DMXL1: variants seen among roughly 807,000 people sequenced by gnomAD.
The protein encoded by DMXL1 is dmX-like protein 1.
A neutral mutation model predicts 319.2 loss-of-function variants in DMXL1; 99 were observed. The observed-to-expected ratio is 0.31, with a 90% CI of 0.26 to 0.37. The LOEUF (loss-of-function observed/expected upper bound fraction) is 0.37, where lower values mean the gene tolerates loss of function less well. Ranked by LOEUF, DMXL1 falls within the 10% of genes least tolerant of loss-of-function variation. DMXL1 has a pLI of 1.00. For synonymous variants in DMXL1, 1,385 were observed against 1,235.2 expected, an observed-to-expected ratio of 1.12 and a Z score of -2.54; for missense variants, 3,745 against 3,595.6, an observed-to-expected ratio of 1.04 and a Z score of -1.06.
intron 38 of DMXL1, among the ~76,000 whole-genome samples, chr5:119,227,836 T>C (rs966897965): frequency 6.6e-6 from 1 of 152,204 alleles, no homozygotes; most frequent in Non-Finnish European, 1.5e-5. Flanking sequence ...ACTGAACTTA[T>C]GCAAATAACT....
At chr5:119,105,670 C>T (rs1402118109) in intron 4 of DMXL1, among the ~76,000 whole-genome samples, 3 of 151,892 alleles carry the variant, frequency 2.0e-5, no homozygotes, top group Non-Finnish European at 4.4e-5. Context: ...CTGAGGTGGG[C>T]AGATCACCTG....
At chr5:119,232,903 T>G (rs1787042336) in intron 38 of DMXL1, among the ~76,000 whole-genome samples, 1 of 152,010 alleles carries the variant, frequency 6.6e-6, no homozygotes, top group Admixed American at 6.6e-5. Context: ...GAACTGATTT[T>G]TTTCTTTAGC....
At chr5:119,120,458 A>G (rs1761798939) in intron 8 of DMXL1, among the ~76,000 whole-genome samples, 2 of 152,224 alleles carry the variant, frequency 1.3e-5, no homozygotes, top group South Asian at 2.1e-4. Context: ...ATTTTATCAT[A>G]TGAAAGATGG....
chr5:119,189,716 C>G lies in DMXL1; in HGVS notation c.7144C>G (p.Leu2382Val), dbSNP rs775067790. Residue 2382 changes from leucine to valine, a missense_variant, in exon 29 of 44, where the codon CTA becomes GTA. Physicochemically the swap from Leu to Val is conservative, Grantham distance 32. This residue lies in a region of DMXL1 where 1,382 missense variants were observed against 1,269.5 expected (regional missense o/e 1.09). Coordinates refer to ENST00000539542, the MANE Select transcript of DMXL1 (RefSeq NM_001290321.3). ...THSKTLPVSS[L>V]VEEGEKQNKR... ...TATTTTCTTTTTGTTAGTTTCTTCA[C>G]TAGTTGAAGAAGGAGAAAAACAGAA... 1.2e-6 allele frequency: 2 copies of G among 1,613,144 alleles called. No individual in the cohort carries two copies. The highest frequency in any genetic ancestry group is 1.7e-6 in the Non-Finnish European group (2 of 1,179,420).
chr5:119,074,287 T>G (rs1309832607), intron 1 of DMXL1, among the ~76,000 whole-genome samples: 1 of 152,216 alleles, frequency 6.6e-6, no homozygotes, highest in African/African-American at 2.4e-5. Context: ...ACATTAATGG[T>G]AGATGGTATG....
chr5:119,132,355 T>C (rs1478377972), intron 10 of DMXL1, among the ~76,000 whole-genome samples: 1 of 152,172 alleles, frequency 6.6e-6, no homozygotes, highest in Admixed American at 6.5e-5. Flanking sequence ...ATAATGAAGA[T>C]AAGGTGCATA....
chr5:119,119,754 A>G (rs1315214994), intron 8 of DMXL1, among the ~76,000 whole-genome samples: 1 of 151,888 alleles, frequency 6.6e-6, no homozygotes. Flanking sequence ...CAAGTGATCT[A>G]CCTGCCTCGG....
intron 17 of DMXL1, among the ~76,000 whole-genome samples, chr5:119,148,354 A>C (rs951621544): frequency 6.6e-6 from 1 of 152,182 alleles, no homozygotes; most frequent in Non-Finnish European, 1.5e-5. Context: ...ACTAGCAAAG[A>C]GCTGTGAAAC....
intron 43 of DMXL1, among the ~76,000 whole-genome samples, chr5:119,246,239 GC>G (rs1404849529): frequency 6.6e-6 from 1 of 152,086 alleles, no homozygotes; most frequent in East Asian, 1.9e-4. Context: ...TGGTCAGAGG[GC>G]CTCTAGGTGT....
intron 38 of DMXL1, among the ~76,000 whole-genome samples, chr5:119,225,730 G>A (rs538303316): frequency 6.6e-6 from 1 of 152,082 alleles, no homozygotes; most frequent in Non-Finnish European, 1.5e-5. Flanking sequence ...AAAATGAAGA[G>A]AATAACATCT....
chr5:119,091,898 C>G (rs1383778197), intron 1 of DMXL1, among the ~76,000 whole-genome samples: 1 of 152,186 alleles, frequency 6.6e-6, no homozygotes, highest in Non-Finnish European at 1.5e-5. Flanking sequence ...GATAATAATA[C>G]TGCCTGCCCT....
At chr5:119,091,585 T>TG (rs1449032634) in intron 1 of DMXL1, among the ~76,000 whole-genome samples, 1 of 152,184 alleles carries the variant, frequency 6.6e-6, no homozygotes, top group African/African-American at 2.4e-5. Flanking sequence ...TGGCTTGTTT[T>TG]GGTTTATATT....
chr5:119,148,656 C>T (rs1769108417), intron 17 of DMXL1, 83 bp from the exon 18 acceptor site: 1 of 1,395,326 alleles, frequency 7.2e-7, no homozygotes. Context: ...GTAGTTAATA[C>T]AAAAGACTAA....
intron 34 of DMXL1, among the ~76,000 whole-genome samples, chr5:119,213,990 T>G (rs549592483): frequency 2.0e-5 from 3 of 152,330 alleles, no homozygotes; most frequent in African/African-American, 7.2e-5. Flanking sequence ...CCTTGAAATA[T>G]TGGTTGCCCC....
At chr5:119,167,484 T>G in intron 22 of DMXL1, 119 bp from the exon 23 acceptor site, 1 of 814,348 alleles carries the variant, frequency 1.2e-6, no homozygotes, top group South Asian at 1.7e-5. Flanking sequence ...CTTATCCTTC[T>G]TTGCTAATTT....
In DMXL1 at chr5:119,239,070, A is replaced by C. The variant is rs780892082; in HGVS notation, c.8641A>C (p.Thr2881Pro). The C allele has an allele frequency of 1.9e-6, 3 of 1,613,768 alleles. No individual in the cohort carries two copies. The South Asian group carries it at 3.3e-5, about 18-fold the overall frequency. Residue 2881 changes from threonine (T) to proline (P), a missense_variant, in exon 41 of 44, where the codon ACT (threonine) becomes CCT (proline). Coordinates refer to ENST00000539542, the MANE Select transcript of DMXL1 (RefSeq NM_001290321.3). ...SSLIATAGLS[T>P]DNRNVCLWDT... ...TCTGATAGCTACAGCTGGTCTTTCA[A>C]CTGACAATAGGTAAGAGATGATAGC...
At position 119,084,640 on chromosome 5, in the gene DMXL1, G is replaced by A. The variant is rs564286522; in HGVS notation, c.87+12984G>A. On this transcript the variant is annotated intron_variant, in intron 1 of 43. Transcript: ENST00000539542. ...GCACTTTGGGAGGCTGAGGCGGGTG[G>A]ATCATCTGAGGCTGTGAGTTCGAGA... Among the ~76,000 whole-genome samples the A allele has an allele frequency of 2.0e-5, 3 of 152,140 alleles. No homozygotes were observed. In the South Asian group the frequency reaches 6.2e-4, roughly 32 times the overall value.
chr5:119,152,938 A>G (rs1378310784), intron 19 of DMXL1, among the ~76,000 whole-genome samples: 2 of 152,006 alleles, frequency 1.3e-5, no homozygotes, highest in Admixed American at 6.6e-5. Context: ...AGCTTTGAAA[A>G]AAGTAAAGTT....
At chr5:119,080,590 T>A (rs1751983636) in intron 1 of DMXL1, among the ~76,000 whole-genome samples, 1 of 152,240 alleles carries the variant, frequency 6.6e-6, no homozygotes, top group South Asian at 2.1e-4. Flanking sequence ...CTGAGTAATT[T>A]TAATATATTT....
Sources: allele counts gnomAD v4.1 joint callset (sites outside exome capture counted in the v4.1 genomes callset), GRCh38; gene constraint gnomAD v4.1.1; regional missense constraint gnomAD v4.1.1; transcripts MANE v1.5; gene names NCBI Gene and HGNC (gene_info 2026-07-23, HGNC 2026-07-21).